TNR: variants seen among roughly 807,000 people sequenced by gnomAD.
TNR encodes the protein tenascin-R.
Under a neutral mutation model 150.4 loss-of-function variants are expected in TNR, and 45 were observed. The ratio of observed to expected loss-of-function variants is 0.30; its 90% confidence interval spans 0.24 to 0.38. The LOEUF is 0.38. Ranked by LOEUF, TNR falls within the 10% of genes least tolerant of loss-of-function variation. The pLI, the probability that TNR is intolerant of heterozygous loss-of-function variation, is 1.00. For synonymous variants in TNR, 687 were observed against 678.4 expected (o/e 1.01, Z -0.20); for missense variants, 1,544 against 1,759.1 (o/e 0.88, Z 2.19).
chr1:175,333,028 G>C (rs1406082745), intron 20 of TNR, among the ~76,000 whole-genome samples: 1 of 152,174 alleles, frequency 6.6e-6, no homozygotes, highest in East Asian at 1.9e-4. Context: ...TTTTGTTCTA[G>C]TGTTTTAGTG....
intron 3 of TNR, among the ~76,000 whole-genome samples, chr1:175,405,618 AGTGTGTGTGTGTGT>A (rs60670165): frequency 8.0e-5 from 12 of 150,090 alleles, no homozygotes; most frequent in African/African-American, 2.9e-4. Flanking sequence ...TGTGTGTGAG[AGTGTGTGTGTGTGT>A]GTGTGTGTGT....
At position 175,528,892 on chromosome 1, in the gene TNR, A is replaced by G. The variant is rs184713214; in HGVS notation, c.-164-523T>C. On this transcript the variant is annotated intron_variant, in intron 1 of 22. Transcript: ENST00000367674. ...CCAACTCTTCAGGGTCAGAGTCTTC[A>G]ACTTTCTCACTGCTTTAGTTCCTGT... Among the ~76,000 whole-genome samples, 145 of 152,308 alleles carry G rather than the reference A, an allele frequency of 9.5e-4. 1 individual carries two copies. In the East Asian group the frequency reaches 0.021, roughly 23 times the overall value.
intron 7 of TNR, 118 bp from the exon 8 acceptor site, chr1:175,386,419 T>TA: frequency 9.3e-7 from 1 of 1,075,056 alleles, no homozygotes; most frequent in African/African-American, 1.6e-5. Context: ...TGGGTATTGT[T>TA]ACTGCATTTT....
intron 2 of TNR, among the ~76,000 whole-genome samples, chr1:175,484,289 AT>A (rs1047130148): frequency 6.6e-6 from 1 of 151,602 alleles, no homozygotes; most frequent in African/African-American, 2.4e-5. Flanking sequence ...CACCCCACAT[AT>A]TTTTTTATCC....
intron 2 of TNR, among the ~76,000 whole-genome samples, chr1:175,489,232 G>A (rs1056469122): frequency 6.6e-6 from 1 of 152,178 alleles, no homozygotes; most frequent in African/African-American, 2.4e-5. Context: ...TTGAATTCTA[G>A]CTCCTTCCCT....
intron 1 of TNR, among the ~76,000 whole-genome samples, chr1:175,653,068 A>G (rs776820823): frequency 2.0e-5 from 3 of 152,198 alleles, no homozygotes; most frequent in Admixed American, 6.5e-5. Context: ...ATGGACTCCT[A>G]TGGGAAGCGT....
chr1:175,572,810 C>CTAAAATAAAA (rs1031940319), intron 1 of TNR, among the ~76,000 whole-genome samples: 2 of 151,354 alleles, frequency 1.3e-5, no homozygotes, highest in Non-Finnish European at 2.9e-5. Context: ...ACATCTTTCT[C>CTAAAATAAAA]TAAAATAAAA....
intron 2 of TNR, among the ~76,000 whole-genome samples, chr1:175,428,577 G>T (rs1217479629): frequency 1.3e-5 from 2 of 152,130 alleles, no homozygotes; most frequent in Non-Finnish European, 2.9e-5. Flanking sequence ...AAAGCTTAGG[G>T]AGGTTAAGTA....
intron 1 of TNR, among the ~76,000 whole-genome samples, chr1:175,736,817 C>A (rs1378922575): frequency 6.6e-6 from 1 of 151,688 alleles, no homozygotes; most frequent in Admixed American, 6.6e-5. Context: ...AATTCAAGAC[C>A]AGCCTGGGCA....
intron 1 of TNR, among the ~76,000 whole-genome samples, chr1:175,614,930 G>T (rs1663721628): frequency 6.6e-6 from 1 of 152,206 alleles, no homozygotes; most frequent in Admixed American, 6.5e-5. Context: ...CAAAAATACT[G>T]AGGAAGAAAA....
rs1661807279 is a variant in TNR at position 175,570,231 on chromosome 1, T to G, written c.-164-41862A>C. Among the ~76,000 whole-genome samples the G allele has an allele frequency of 2.0e-5, 3 of 152,184 alleles. 1 individual carries two copies. The highest frequency in any genetic ancestry group is 6.5e-5 in the Admixed American group (1 of 15,276). On this transcript the variant is annotated intron_variant, in intron 1 of 22. Coordinates refer to ENST00000367674, the MANE Select transcript of TNR (RefSeq NM_003285.3). ...TGTGAATGTCTCCAGAGGCCCAGGA[T>G]GAACTTTACAAACCCACCTCAATTT...
intron 18 of TNR, among the ~76,000 whole-genome samples, chr1:175,349,753 A>T (rs1004653029): frequency 6.6e-5 from 10 of 152,156 alleles, no homozygotes; most frequent in African/African-American, 2.2e-4. Flanking sequence ...CTGATCTGAC[A>T]CCTATCCTTC....
chr1:175,576,772 T>C (rs1662128933), intron 1 of TNR, among the ~76,000 whole-genome samples: 1 of 152,188 alleles, frequency 6.6e-6, no homozygotes, highest in Non-Finnish European at 1.5e-5. Flanking sequence ...TGAGACACTA[T>C]TTTTTTAGAT....
chr1:175,430,335 C>T (rs1459837189), intron 2 of TNR, among the ~76,000 whole-genome samples: 1 of 152,120 alleles, frequency 6.6e-6, no homozygotes, highest in Admixed American at 6.5e-5. Context: ...CTAGATGACT[C>T]TTAAGAATTA....
At chr1:175,384,187 G>A (rs1039960933) in intron 8 of TNR, among the ~76,000 whole-genome samples, 2 of 152,188 alleles carry the variant, frequency 1.3e-5, no homozygotes, top group Non-Finnish European at 2.9e-5. Context: ...AAACTATCTT[G>A]AAATTAAGAA....
At chr1:175,415,475 G>T (rs1654397781) in intron 2 of TNR, among the ~76,000 whole-genome samples, 1 of 152,234 alleles carries the variant, frequency 6.6e-6, no homozygotes, top group East Asian at 1.9e-4. Flanking sequence ...GGCCAGCCTG[G>T]GTGCTGCCTC....
In TNR at chr1:175,675,381, T is replaced by C. The variant is rs142869889; in HGVS notation, c.-165+67845A>G. Among the ~76,000 whole-genome samples the C allele has an allele frequency of 2.0e-3, 306 of 152,364 alleles. 4 individuals carry two copies. The highest frequency in any genetic ancestry group is 7.1e-3 in the African/African-American group (294 of 41,592). On this transcript the variant is annotated intron_variant, in intron 1 of 22. Coordinates refer to ENST00000367674, the MANE Select transcript of TNR (RefSeq NM_003285.3). ...CCCGTAACCCTTTGTGGAACCCCAC[T>C]GTCATGGCAGACAGCAGTGTGAACA...
chr1:175,475,773 A>G (rs910789380), intron 2 of TNR, among the ~76,000 whole-genome samples: 4 of 102,960 alleles, frequency 3.9e-5, no homozygotes, highest in African/African-American at 5.6e-5. Context: ...CTGGATGAGG[A>G]AAAAAAAAAC....
rs1667987445 is a variant in TNR, at chr1:175,743,497, G to T, written c.-436C>A. 1.3e-5 allele frequency: 2 copies of T among 152,428 alleles called. No homozygotes were observed. The highest frequency in any genetic ancestry group is 2.1e-4 in the South Asian group (1 of 4,822). The allele number at this position is 152,428 out of a possible 1,614,324, so 9.4% of individuals were successfully genotyped here. A position where few individuals can be genotyped will look rare whatever the true frequency, so the allele number is the denominator to read the frequency against. On this transcript the variant is annotated 5_prime_UTR_variant, in exon 1 of 23. Transcript: ENST00000367674. ...CACTCCACTAGTGGTAATTCCTTGG[G>T]TCAGAGAGGACCCCCTTCTCTCACT...
Sources: allele counts gnomAD v4.1 joint callset (sites outside exome capture counted in the v4.1 genomes callset), GRCh38; gene constraint gnomAD v4.1.1; transcripts MANE v1.5; gene names NCBI Gene and HGNC (gene_info 2026-07-23, HGNC 2026-07-21).